EXOC4: variants seen among roughly 807,000 people sequenced by gnomAD.
EXOC4 encodes the protein exocyst complex component 4, also known as SEC8-like 1.
In EXOC4, 71 loss-of-function variants were observed where a neutral mutation model predicts 107.2. The observed-to-expected ratio is 0.66, with a 90% CI of 0.55 to 0.81. The LOEUF (loss-of-function observed/expected upper bound fraction) is 0.81. Ranked by LOEUF, EXOC4 falls within the 30% of genes least tolerant of loss-of-function variation. The pLI is 0.00. For missense variants in EXOC4, 1,108 were observed against 1,189.6 expected (o/e 0.93, Z 1.01); for synonymous variants, 456 against 441.2 (o/e 1.03, Z -0.42).
At chr7:133,799,496 A>G (rs939588762) in intron 10 of EXOC4, among the ~76,000 whole-genome samples, 3 of 152,250 alleles carry the variant, frequency 2.0e-5, no homozygotes, top group East Asian at 1.9e-4. Flanking sequence ...TGGGTATTCT[A>G]AAACCTCACT....
chr7:133,948,506 A>C (rs747534129), intron 14 of EXOC4, among the ~76,000 whole-genome samples: 2 of 152,302 alleles, frequency 1.3e-5, no homozygotes, highest in South Asian at 2.1e-4. Flanking sequence ...GCTTTTTTTC[A>C]AACAGCTTCC....
At chr7:133,553,860 A>C (rs897591108) in intron 9 of EXOC4, among the ~76,000 whole-genome samples, 1 of 152,138 alleles carries the variant, frequency 6.6e-6, no homozygotes, top group Non-Finnish European at 1.5e-5. Context: ...ACATGTCACC[A>C]GTTTCTCCCG....
intron 17 of EXOC4, among the ~76,000 whole-genome samples, chr7:134,029,924 G>A (rs1448058853): frequency 6.6e-6 from 1 of 152,138 alleles, no homozygotes; most frequent in Non-Finnish European, 1.5e-5. Context: ...GAATAGCCAT[G>A]TACAAGCATA....
intron 10 of EXOC4, among the ~76,000 whole-genome samples, chr7:133,784,462 T>C (rs1172429147): frequency 6.6e-6 from 1 of 152,166 alleles, no homozygotes; most frequent in East Asian, 1.9e-4. Flanking sequence ...GACATCAGTA[T>C]TCAGGGGATA....
chr7:133,440,364 C>T (rs1185530635), intron 7 of EXOC4, among the ~76,000 whole-genome samples: 1 of 152,208 alleles, frequency 6.6e-6, no homozygotes, highest in Admixed American at 6.5e-5. Context: ...CCCCACCCCC[C>T]CATTACCTAT....
intron 14 of EXOC4, among the ~76,000 whole-genome samples, chr7:133,957,113 T>C (rs1166537511): frequency 6.6e-6 from 1 of 152,186 alleles, no homozygotes; most frequent in Non-Finnish European, 1.5e-5. Context: ...ATTAACTAAA[T>C]TAAGTTTTCA....
At chr7:133,571,028 A>G (rs763567173) in intron 9 of EXOC4, among the ~76,000 whole-genome samples, 1 of 152,198 alleles carries the variant, frequency 6.6e-6, no homozygotes, top group African/African-American at 2.4e-5. Flanking sequence ...ATCTTCCGTG[A>G]CAGTGGAATT....
chr7:133,931,894 T>C (rs1800184424), intron 13 of EXOC4, among the ~76,000 whole-genome samples: 1 of 152,244 alleles, frequency 6.6e-6, no homozygotes, highest in Non-Finnish European at 1.5e-5. Flanking sequence ...GACCTTTGCC[T>C]CTGCCATAGC....
intron 7 of EXOC4, among the ~76,000 whole-genome samples, chr7:133,442,112 A>AT (rs1166416631): frequency 6.6e-6 from 1 of 152,062 alleles, no homozygotes; most frequent in Non-Finnish European, 1.5e-5. Flanking sequence ...TGGTTAGCTT[A>AT]TTTTTTTGTG....
At chr7:133,817,014 TG>T (rs1797387811) in intron 10 of EXOC4, among the ~76,000 whole-genome samples, 1 of 152,060 alleles carries the variant, frequency 6.6e-6, no homozygotes, top group African/African-American at 2.4e-5. Context: ...CACAATAATT[TG>T]TGTTTTTTGT....
Position 133,927,876 on chromosome 7 carries a change from T to C in EXOC4, c.2028-10015T>C, listed in dbSNP as rs115269299. On this transcript the variant is annotated intron_variant, in intron 13 of 17. Transcript: ENST00000253861. ...TTAACTGGAGACTCAGCTGCAAACA[T>C]ATCAATTAATGTTCAAGATGATTGA... 2.4e-3 allele frequency among the ~76,000 whole-genome samples: 365 copies of C among 152,260 alleles called. 5 individuals carry two copies. Among genetic ancestry groups the C allele is most frequent in the African/African-American group, 8.2e-3 (341 of 41,570 alleles).
At chr7:133,876,256 G>T (rs1394595630) in intron 11 of EXOC4, among the ~76,000 whole-genome samples, 1 of 146,422 alleles carries the variant, frequency 6.8e-6, no homozygotes, top group Non-Finnish European at 1.5e-5. Flanking sequence ...GTGTGTGTGT[G>T]TAGACTGTAG....
chr7:133,669,004 AT>A (rs58354607), intron 10 of EXOC4, among the ~76,000 whole-genome samples: 9,957 of 118,372 alleles, frequency 0.084, 341 homozygotes, highest in Middle Eastern at 0.16. Context: ...TGTTCTCCCA[AT>A]TTTTTTTTTT....
At chr7:134,099,532 T>C in the EXOC4 span, among the ~76,000 whole-genome samples, 2 of 86,816 alleles carry the variant, frequency 2.3e-5, no homozygotes, top group East Asian at 3.1e-4. Flanking sequence ...CTTTTTTTTT[T>C]TTTTTTTTTT....
intron 7 of EXOC4, among the ~76,000 whole-genome samples, chr7:133,399,820 C>T (rs1314911142): frequency 1.3e-5 from 2 of 152,066 alleles, no homozygotes; most frequent in African/African-American, 4.8e-5. Context: ...GGCATGTGTC[C>T]CAAGCAGGGA....
chr7:133,356,255 C>T (rs971315048), intron 5 of EXOC4, 75 bp from the exon 6 acceptor site: 18 of 1,443,440 alleles, frequency 1.2e-5, no homozygotes, highest in Admixed American at 4.0e-5. Context: ...GCAGTGATTT[C>T]GTTTATTAGA....
intron 9 of EXOC4, among the ~76,000 whole-genome samples, chr7:133,547,758 T>C (rs550672696): frequency 1.3e-5 from 2 of 152,256 alleles, no homozygotes; most frequent in African/African-American, 4.8e-5. Flanking sequence ...ATTTCATCTT[T>C]AGGCTCCACT....
intron 14 of EXOC4, among the ~76,000 whole-genome samples, chr7:133,971,361 T>TATATAGAGAGAGAG (rs1489958236): frequency 1.2e-4 from 9 of 75,072 alleles, no homozygotes; most frequent in East Asian, 9.5e-4. Context: ...TATATATATA[T>TATATAGAGAGAGAG]AGAGAGAGAG....
chr7:133,328,918 G>A (rs939750869), intron 5 of EXOC4, among the ~76,000 whole-genome samples: 140 of 152,262 alleles, frequency 9.2e-4, no homozygotes, highest in African/African-American at 3.2e-3. Flanking sequence ...TTCTTGAGGA[G>A]TATTTTTGTG....
Sources: allele counts gnomAD v4.1 joint callset (sites outside exome capture counted in the v4.1 genomes callset), GRCh38; gene constraint gnomAD v4.1.1; transcripts MANE v1.5; gene names NCBI Gene and HGNC (gene_info 2026-07-23, HGNC 2026-07-21).